Variants in GUCY1B1 observed in about 807,000 individuals in gnomAD.
The protein encoded by GUCY1B1 is guanylate cyclase soluble subunit beta-1.
Under a neutral mutation model 71.0 loss-of-function variants are expected in GUCY1B1, and 43 were observed. That is an observed-to-expected ratio of 0.61 (90% confidence interval 0.47 to 0.78). GUCY1B1 has a LOEUF of 0.78. Ranked by LOEUF, GUCY1B1 falls within the 30% of genes least tolerant of loss-of-function variation. The pLI, the probability that GUCY1B1 is intolerant of heterozygous loss-of-function variation, is 0.00. For missense variants in GUCY1B1, 535 were observed against 754.1 expected, an observed-to-expected ratio of 0.71 and a Z score of 3.40; for synonymous variants, 266 against 259.7, an observed-to-expected ratio of 1.02 and a Z score of -0.23.
At chr4:155,791,779 C>CAAAACAAAACGAAAAACAA (rs1739198730) in intron 5 of GUCY1B1, among the ~76,000 whole-genome samples, 1 of 144,454 alleles carries the variant, frequency 6.9e-6, no homozygotes, top group Admixed American at 6.9e-5. Flanking sequence ...AAACGAAAAA[C>CAAAACAAAACGAAAAACAA]AAAAAAAAAC....
At position 155,788,581 on chromosome 4, in the gene GUCY1B1, C is replaced by T. The variant is rs910533075; in HGVS notation, c.298-1133C>T. On this transcript the variant is annotated intron_variant, in intron 4 of 13. Coordinates refer to ENST00000264424, the MANE Select transcript of GUCY1B1 (RefSeq NM_000857.5). ...CATCTGCAAAATCCCTTTCACCATG[C>T]GATACAACATATTCACAGGGATTAA... 5.9e-5 allele frequency among the ~76,000 whole-genome samples: 9 copies of T among 152,140 alleles called. No individual in the cohort carries two copies. The East Asian group carries it at 7.7e-4, about 13-fold the overall frequency.
chr4:155,772,288 C>T (rs1737743639), intron 2 of GUCY1B1, among the ~76,000 whole-genome samples: 1 of 152,154 alleles, frequency 6.6e-6, no homozygotes, highest in African/African-American at 2.4e-5. Flanking sequence ...GCTATATTCA[C>T]TGGGAATATG....
Position 155,802,332 on chromosome 4 carries a change from C to T in GUCY1B1, c.1176-10C>T. On this transcript the variant is annotated splice_polypyrimidine_tract_variant and intron_variant, in intron 9 of 13. Transcript: ENST00000264424. This position sits in a 1 kb window ranked among gnomAD's most constrained non-coding sequence, Gnocchi z 4.3. ...TCTTACAGTGGCTTTCTGCTGATCC[C>T]ACTGAACAGATTGCTGTATTCTGTC... 1 of 1,613,752 alleles carries T rather than the reference C, an allele frequency of 6.2e-7. No homozygotes were observed. Among genetic ancestry groups the T allele is most frequent in the Non-Finnish European group, 8.5e-7 (1 of 1,179,808 alleles).
At chr4:155,796,997 C>T (rs1246112786) in intron 8 of GUCY1B1, among the ~76,000 whole-genome samples, 2 of 152,170 alleles carry the variant, frequency 1.3e-5, no homozygotes, top group Non-Finnish European at 2.9e-5. Context: ...TCCAAATACA[C>T]TGTTCCAAAT....
intron 4 of GUCY1B1, among the ~76,000 whole-genome samples, chr4:155,784,807 G>T (rs1579223526): frequency 6.6e-6 from 1 of 152,134 alleles, no homozygotes; most frequent in Non-Finnish European, 1.5e-5. Flanking sequence ...GGAAAATCAG[G>T]TAGTTGACTT....
At chr4:155,789,956 A>C in intron 5 of GUCY1B1, 45 bp downstream of exon 5, 1 of 1,213,874 alleles carries the variant, frequency 8.2e-7, no homozygotes, top group Non-Finnish European at 1.2e-6. Flanking sequence ...TGACATCTAA[A>C]AATATTTTAA....
At chr4:155,798,310 C>A (rs1739705301) in intron 8 of GUCY1B1, among the ~76,000 whole-genome samples, 1 of 152,082 alleles carries the variant, frequency 6.6e-6, no homozygotes, top group Non-Finnish European at 1.5e-5. Flanking sequence ...TGATATAGGG[C>A]ATTTTTAGAA....
At chr4:155,790,025 A>G (rs1243950548) in intron 5 of GUCY1B1, 114 bp downstream of exon 5, 2 of 692,454 alleles carry the variant, frequency 2.9e-6, no homozygotes, top group African/African-American at 3.6e-5. Context: ...CTGGAAGTAT[A>G]TATAAGCCAA....
In GUCY1B1 at chr4:155,792,153, T is replaced by G. The variant is rs564991368; in HGVS notation, c.496-1703T>G. Among the ~76,000 whole-genome samples, 27 of 152,288 alleles carry G rather than the reference T, an allele frequency of 1.8e-4. No homozygotes were observed. In the East Asian group the frequency reaches 5.2e-3, roughly 29 times the overall value. On this transcript the variant is annotated intron_variant, in intron 5 of 13. Coordinates refer to ENST00000264424, the MANE Select transcript of GUCY1B1 (RefSeq NM_000857.5). ...AGCACTGTTTTGACTTCTCGAGGGA[T>G]TCTCACATTAAGTTTATCAGGTCCA...
intron 6 of GUCY1B1, among the ~76,000 whole-genome samples, chr4:155,794,703 A>T (rs1484677259): frequency 5.9e-5 from 9 of 152,206 alleles, no homozygotes; most frequent in African/African-American, 1.9e-4. Context: ...GTAATTAAAG[A>T]GACTTGAAAA....
intron 2 of GUCY1B1, among the ~76,000 whole-genome samples, chr4:155,760,613 G>A (rs1039748994): frequency 2.6e-5 from 4 of 152,046 alleles, no homozygotes; most frequent in African/African-American, 9.7e-5. Context: ...CTGCAGGCAG[G>A]TTGACTATTT....
Position 155,759,989 on chromosome 4 carries a change from C to A in GUCY1B1, c.77+129C>A. 4 of 627,194 alleles carry A rather than the reference C, an allele frequency of 6.4e-6. 1 individual carries two copies. The highest frequency in any genetic ancestry group is 3.9e-5 in the South Asian group (2 of 51,622). The allele number at this position is 627,194 out of a possible 1,614,324, so 38.9% of individuals were successfully genotyped here. ...CATCCTTGGAGGTGCCTCCGCGCCT[C>A]GCTCCCGGCTCGCTGCAGCTGCGCT... On this transcript the variant is annotated intron_variant, in intron 2 of 13. Coordinates refer to ENST00000264424, the MANE Select transcript of GUCY1B1 (RefSeq NM_000857.5).
chr4:155,803,834 T>C (rs1425256233), intron 11 of GUCY1B1, 70 bp downstream of exon 11: 2 of 1,056,056 alleles, frequency 1.9e-6, no homozygotes, highest in African/African-American at 3.3e-5. Context: ...CATATCGTTG[T>C]CCGGAAAATC....
At chr4:155,780,156 G>A (rs1267727039) in intron 4 of GUCY1B1, among the ~76,000 whole-genome samples, 1 of 152,110 alleles carries the variant, frequency 6.6e-6, no homozygotes, top group East Asian at 1.9e-4. Flanking sequence ...ATTGCTCACT[G>A]GAAACTGTCA....
chr4:155,804,401 T>A (rs1740167007), intron 11 of GUCY1B1, among the ~76,000 whole-genome samples, 192 bp from the exon 12 acceptor site: 1 of 151,886 alleles, frequency 6.6e-6, no homozygotes, highest in Non-Finnish European at 1.5e-5. Flanking sequence ...TTAGGACAAA[T>A]ACCTAATACG....
chr4:155,774,893 C>A, intron 2 of GUCY1B1, 75 bp from the exon 3 acceptor site: 1 of 840,524 alleles, frequency 1.2e-6, no homozygotes, highest in Non-Finnish European at 2.0e-6. Context: ...ATTGTTTATA[C>A]AATTATTATA....
intron 12 of GUCY1B1, 71 bp downstream of exon 12, chr4:155,804,818 G>A (rs1348498263): frequency 7.3e-7 from 1 of 1,372,912 alleles, no homozygotes; most frequent in Non-Finnish European, 1.0e-6. Context: ...TTAATTCTCT[G>A]AGAGATTTTG....
chr4:155,806,493 C>A lies in GUCY1B1; in HGVS notation c.*84C>A. On this transcript the variant is annotated 3_prime_UTR_variant, in exon 14 of 14. Coordinates refer to ENST00000264424, the MANE Select transcript of GUCY1B1 (RefSeq NM_000857.5). ...TGCCAAGCCCAGGAGCAGTTCTTCC[C>A]TATGGATACAGATTTTCTTTTGTCC... 1 of 860,198 alleles carries A rather than the reference C, an allele frequency of 1.2e-6. No individual in the cohort carries two copies. Among genetic ancestry groups the A allele is most frequent in the South Asian group, 1.5e-5 (1 of 68,694 alleles). The allele number at this position is 860,198 out of a possible 1,614,324, so 53.3% of individuals were successfully genotyped here. A position where few individuals can be genotyped will look rare whatever the true frequency, so the allele number is the denominator to read the frequency against.
At chr4:155,778,481 GA>G (rs1738207888) in intron 4 of GUCY1B1, among the ~76,000 whole-genome samples, 1 of 152,214 alleles carries the variant, frequency 6.6e-6, no homozygotes, top group South Asian at 2.1e-4. Flanking sequence ...AATACTAGCT[GA>G]ACCGAAGCCC....
Sources: gnomAD v4.1 joint callset for allele counts (sites outside exome capture counted in the v4.1 genomes callset) on GRCh38, gnomAD v4.1.1 for gene constraint, Gnocchi (gnomAD v3.1) non-coding constraint, MANE v1.5 for transcripts, NCBI Gene and HGNC (gene_info 2026-07-23, HGNC 2026-07-21) for gene names.